The following TULP4 variants were observed in gnomAD, a reference collection of about 807,000 sequenced individuals.
TULP4 encodes the protein TUB like protein 4, also known as tubby-related protein 4.
A neutral mutation model predicts 129.0 loss-of-function variants in TULP4; 16 were observed. The observed-to-expected ratio is 0.12, with a 90% CI of 0.08 to 0.19. TULP4 has a LOEUF of 0.19. Among genes scored for constraint, TULP4 ranks in the 10% least tolerant of loss-of-function variants. The pLI is 1.00. For synonymous variants in TULP4, 998 were observed against 854.0 expected, an observed-to-expected ratio of 1.17 and a Z score of -2.94; for missense variants, 1,842 against 2,059.1, an observed-to-expected ratio of 0.89 and a Z score of 2.04.
rs570286679 is a variant in TULP4, at chr6:158,490,224, C to T, written c.1631+492C>T. 4.9e-4 allele frequency among the ~76,000 whole-genome samples: 74 copies of T among 152,190 alleles called. 1 individual carries two copies. The East Asian group carries it at 0.012, about 25-fold the overall frequency. On this transcript the variant is annotated intron_variant, in intron 9 of 13. Transcript: ENST00000367097. ...CATCCTGGTCAACATGGTGAAACCCCGTCCCTACTAAAAATACAAAAATTA... is the reference window on the plus strand; with the variant it reads ...CATCCTGGTCAACATGGTGAAACCCTGTCCCTACTAAAAATACAAAAATTA...
In TULP4 at chr6:158,465,897, C is replaced by T. The variant is rs138347064; in HGVS notation, c.1026+4168C>T. 2.3e-3 allele frequency among the ~76,000 whole-genome samples: 344 copies of T among 152,270 alleles called. 1 individual carries two copies. Among genetic ancestry groups the T allele is most frequent in the African/African-American group, 7.7e-3 (318 of 41,548 alleles). ...TTTAATCTACAGTTAGTTAAAGCAA[C>T]AAAATTTGGTCTAGAACTTGGGAGT... On this transcript the variant is annotated intron_variant, in intron 6 of 13. Transcript: ENST00000367097.
At chr6:158,310,734 T>C (rs1462984295), upstream of TULP4, among the ~76,000 whole-genome samples, 9 of 152,162 alleles carry the variant, frequency 5.9e-5, no homozygotes, top group African/African-American at 2.2e-4. Context: ...CCATGTCACA[T>C]GGTATTCCAT....
intron 5 of TULP4, among the ~76,000 whole-genome samples, chr6:158,454,803 A>C (rs895365792): frequency 6.6e-6 from 1 of 151,840 alleles, no homozygotes; most frequent in African/African-American, 2.4e-5. Context: ...ATGGGGTTTC[A>C]TCGTATTGGT....
intron 1 of TULP4, among the ~76,000 whole-genome samples, chr6:158,369,100 A>C (rs1777011386): frequency 6.6e-6 from 1 of 152,236 alleles, no homozygotes; most frequent in African/African-American, 2.4e-5. Flanking sequence ...AAAGGTCATG[A>C]TTATAACTTC....
chr6:158,408,398 A>G (rs1448007436), intron 1 of TULP4, among the ~76,000 whole-genome samples: 2 of 152,206 alleles, frequency 1.3e-5, no homozygotes, highest in Admixed American at 1.3e-4. Context: ...CTTTTATTAA[A>G]GAGGAAACTG....
intron 1 of TULP4, among the ~76,000 whole-genome samples, chr6:158,247,730 G>A (rs1778053595): frequency 6.6e-6 from 1 of 152,242 alleles, no homozygotes; most frequent in South Asian, 2.1e-4. Context: ...GCTATTAAGA[G>A]TGTGTTTACC....
At chr6:158,306,088 A>C (rs1050528225) in intron 1 of TULP4, among the ~76,000 whole-genome samples, 1 of 152,138 alleles carries the variant, frequency 6.6e-6, no homozygotes, top group Admixed American at 6.5e-5. Flanking sequence ...ATTTTGAATC[A>C]TAATAAAGTG....
upstream of TULP4, among the ~76,000 whole-genome samples, chr6:158,309,394 C>T (rs1408228658): frequency 1.4e-5 from 2 of 147,948 alleles, no homozygotes; most frequent in Non-Finnish European, 3.0e-5. Context: ...AGAGACGCTC[C>T]TCACTTTCCA....
intron 1 of TULP4, among the ~76,000 whole-genome samples, chr6:158,304,778 C>T (rs1779187065): frequency 6.6e-6 from 1 of 151,930 alleles, no homozygotes; most frequent in Non-Finnish European, 1.5e-5. Context: ...GCAATCCTCC[C>T]ACCTCAGCCT....
At chr6:158,475,259 C>T (rs1197755703) in intron 6 of TULP4, among the ~76,000 whole-genome samples, 1 of 152,224 alleles carries the variant, frequency 6.6e-6, no homozygotes, top group Non-Finnish European at 1.5e-5. Context: ...CTCCATGGGC[C>T]ACTCGCCTCC....
intron 1 of TULP4, among the ~76,000 whole-genome samples, chr6:158,405,818 C>T (rs1039948348): frequency 2.0e-5 from 3 of 152,202 alleles, no homozygotes; most frequent in East Asian, 1.9e-4. Flanking sequence ...TTATGTCAGA[C>T]GTACAAGCCT....
intron 3 of TULP4, among the ~76,000 whole-genome samples, chr6:158,444,091 AAG>A (rs1199977472): frequency 5.3e-5 from 8 of 151,372 alleles, no homozygotes; most frequent in Non-Finnish European, 1.2e-4. Context: ...GTGGTGGCGC[AAG>A]CCTGTAGTCC....
At chr6:158,275,204 G>A (rs542403338) in intron 1 of TULP4, among the ~76,000 whole-genome samples, 49 of 152,232 alleles carry the variant, frequency 3.2e-4, no homozygotes, top group Admixed American at 7.9e-4. Context: ...CAAGTGTCCC[G>A]CACAGTTGCA....
chr6:158,467,076 C>T (rs919130272), intron 6 of TULP4, among the ~76,000 whole-genome samples: 2 of 152,126 alleles, frequency 1.3e-5, no homozygotes, highest in Non-Finnish European at 2.9e-5. Context: ...AACACTCCAC[C>T]TCTTAAATAA....
chr6:158,406,538 G>A (rs1419172932), intron 1 of TULP4, among the ~76,000 whole-genome samples: 1 of 152,194 alleles, frequency 6.6e-6, no homozygotes, highest in Admixed American at 6.5e-5. Flanking sequence ...TAGAGTCATA[G>A]GGGGTACTAT....
intron 1 of TULP4, chr6:158,237,298 G>C (rs1260776939): frequency 6.9e-7 from 1 of 1,452,478 alleles, no homozygotes; most frequent in Non-Finnish European, 9.7e-7. Flanking sequence ...ATGTTACCGA[G>C]ACTAGTTTAA....
intron 1 of TULP4, among the ~76,000 whole-genome samples, chr6:158,371,866 G>A (rs1777077021): frequency 6.6e-6 from 1 of 152,226 alleles, no homozygotes; most frequent in South Asian, 2.1e-4. Flanking sequence ...CCAGACTGGA[G>A]TGCAGTGGCA....
intron 1 of TULP4, among the ~76,000 whole-genome samples, chr6:158,275,190 G>A (rs62437158): frequency 6.6e-6 from 1 of 152,180 alleles, no homozygotes; most frequent in African/African-American, 2.4e-5. Flanking sequence ...GAGCCCACGC[G>A]CTACAAGTGT....
intron 1 of TULP4, among the ~76,000 whole-genome samples, chr6:158,408,415 T>C (rs1049241437): frequency 6.6e-6 from 1 of 152,228 alleles, no homozygotes; most frequent in Non-Finnish European, 1.5e-5. Flanking sequence ...ACTGTATATG[T>C]AAATACTGTG....
Sources: gnomAD v4.1 joint callset for allele counts (sites outside exome capture counted in the v4.1 genomes callset) on GRCh38, gnomAD v4.1.1 for gene constraint, MANE v1.5 for transcripts, NCBI Gene and HGNC (gene_info 2026-07-23, HGNC 2026-07-21) for gene names.